PPM1L: variants seen among roughly 807,000 people sequenced by gnomAD.
PPM1L encodes protein phosphatase 1L.
In PPM1L, 13 loss-of-function variants were observed where a neutral mutation model predicts 31.4. That is an observed-to-expected ratio of 0.41 (90% CI 0.27 to 0.66). The LOEUF (loss-of-function observed/expected upper bound fraction) is 0.66. PPM1L is among the 30% of genes least tolerant of loss of function. The pLI, the probability that PPM1L is intolerant of heterozygous loss-of-function variation, is 0.29. For synonymous variants in PPM1L, 184 were observed against 175.4 expected, an observed-to-expected ratio of 1.05 and a Z score of -0.39; for missense variants, 326 against 453.7, an observed-to-expected ratio of 0.72 and a Z score of 2.56.
intron 2 of PPM1L, among the ~76,000 whole-genome samples, chr3:161,007,219 T>G (rs958457757): frequency 4.6e-5 from 7 of 152,164 alleles, no homozygotes; most frequent in African/African-American, 1.4e-4. Flanking sequence ...TGTCAAGGGC[T>G]CCAGAATAAA....
chr3:160,836,666 T>C (rs1211362175), intron 1 of PPM1L, among the ~76,000 whole-genome samples: 1 of 152,226 alleles, frequency 6.6e-6, no homozygotes, highest in Non-Finnish European at 1.5e-5. Flanking sequence ...ATATTGGTAG[T>C]AGATTATCTG....
chr3:160,994,842 G>A (rs989425317), intron 2 of PPM1L, among the ~76,000 whole-genome samples: 1 of 152,148 alleles, frequency 6.6e-6, no homozygotes, highest in Non-Finnish European at 1.5e-5. Context: ...ACAGTATAGG[G>A]AATAGGAGAG....
intron 1 of PPM1L, among the ~76,000 whole-genome samples, chr3:160,949,192 C>G (rs755632816): frequency 6.6e-6 from 1 of 152,156 alleles, no homozygotes; most frequent in African/African-American, 2.4e-5. Context: ...AAGCCCTGTC[C>G]TAGTGCCCTT....
At chr3:160,915,416 A>C (rs1482331148) in intron 1 of PPM1L, among the ~76,000 whole-genome samples, 1 of 152,184 alleles carries the variant, frequency 6.6e-6, no homozygotes, top group African/African-American at 2.4e-5. Flanking sequence ...AGAGGGATAC[A>C]AACAAATGGA....
At chr3:160,995,540 C>T (rs931750057) in intron 2 of PPM1L, among the ~76,000 whole-genome samples, 1 of 152,136 alleles carries the variant, frequency 6.6e-6, no homozygotes, top group Non-Finnish European at 1.5e-5. Context: ...AAGCTGGTCT[C>T]GAACTCCTGT....
At chr3:161,009,805 G>T (rs1253019526) in intron 2 of PPM1L, among the ~76,000 whole-genome samples, 1 of 152,058 alleles carries the variant, frequency 6.6e-6, no homozygotes, top group Non-Finnish European at 1.5e-5. Context: ...TCCTACAGTT[G>T]AAATCTTCTG....
chr3:161,069,437 G>A lies in PPM1L; in HGVS notation c.*280G>A. On this transcript the variant is annotated 3_prime_UTR_variant, in exon 4 of 4. Coordinates refer to ENST00000498165, the MANE Select transcript of PPM1L (RefSeq NM_139245.4). ...AGCTGTAGAGTCACATATATGAAGT[G>A]AATAGCATATGTGTCATTTAGTCTC... is the stretch of plus-strand genomic sequence containing the variant. The A allele has an allele frequency of 2.4e-6, 1 of 424,470 alleles. No homozygotes were observed. Among genetic ancestry groups the A allele is most frequent in the Admixed American group, 4.2e-5 (1 of 23,796 alleles). 26.3% of individuals were successfully genotyped at this position (424,470 alleles called of 1,614,324 possible).
In PPM1L at chr3:160,806,327, C is replaced by A. The variant is rs147277577; in HGVS notation, c.399+49620C>A. Reference sequence around the variant, plus strand: ...GATCATAGTGCTTGGGAAGCCATCCCTGACTTTCTCTGCCAGGTTGTGTAA... The same window carrying A: ...GATCATAGTGCTTGGGAAGCCATCCATGACTTTCTCTGCCAGGTTGTGTAA... On this transcript the variant is annotated intron_variant, in intron 1 of 3. Transcript: ENST00000498165. Among the ~76,000 whole-genome samples, 47 of 152,266 alleles carry A rather than the reference C, an allele frequency of 3.1e-4. No individual in the cohort carries two copies. The East Asian group carries it at 7.3e-3, about 24-fold the overall frequency.
At chr3:160,922,178 C>T (rs1217603545) in intron 1 of PPM1L, among the ~76,000 whole-genome samples, 2 of 152,072 alleles carry the variant, frequency 1.3e-5, no homozygotes, top group African/African-American at 2.4e-5. Context: ...GGCGTGGTGG[C>T]AGGCACCTGT....
chr3:160,974,488 A>T (rs1185328627), intron 2 of PPM1L, among the ~76,000 whole-genome samples: 1 of 150,858 alleles, frequency 6.6e-6, no homozygotes, highest in Admixed American at 6.6e-5. Context: ...AGTCCCACCA[A>T]CAGTGTAAAA....
intron 2 of PPM1L, among the ~76,000 whole-genome samples, chr3:161,005,972 A>G (rs1717690715): frequency 6.6e-6 from 1 of 150,756 alleles, no homozygotes; most frequent in African/African-American, 2.5e-5. Flanking sequence ...AAGATGCATT[A>G]AAAAAACATA....
chr3:160,797,970 G>C (rs190344221), intron 1 of PPM1L, among the ~76,000 whole-genome samples: 3 of 152,286 alleles, frequency 2.0e-5, no homozygotes, highest in African/African-American at 7.2e-5. Context: ...ATGAGGTCAA[G>C]AGATGAAGAC....
At chr3:160,944,032 T>A (rs1715244808) in intron 1 of PPM1L, among the ~76,000 whole-genome samples, 1 of 152,148 alleles carries the variant, frequency 6.6e-6, no homozygotes, top group Non-Finnish European at 1.5e-5. Context: ...GTTGCAACCA[T>A]AAATCTTCAC....
chr3:161,041,705 A>G (rs1262036675), intron 2 of PPM1L, among the ~76,000 whole-genome samples: 1 of 152,120 alleles, frequency 6.6e-6, no homozygotes, highest in Non-Finnish European at 1.5e-5. Flanking sequence ...CTGAGATCAC[A>G]CCACTGCACT....
chr3:160,856,913 C>A (rs79942821), intron 1 of PPM1L, among the ~76,000 whole-genome samples: 1,530 of 151,774 alleles, frequency 0.01, 20 homozygotes, highest in African/African-American at 0.035. Context: ...TGGATTTATT[C>A]AGTTTTTGTA....
chr3:160,901,632 T>G (rs1044328750), intron 1 of PPM1L, among the ~76,000 whole-genome samples: 21 of 152,210 alleles, frequency 1.4e-4, no homozygotes, highest in African/African-American at 4.8e-4. Context: ...TTCAGGACCC[T>G]GCGCATAGGT....
In PPM1L at chr3:161,075,063, C is replaced by G. The variant is rs1432771828; in HGVS notation, c.*5906C>G. 6.6e-6 allele frequency: 1 copy of G among 152,100 alleles called. No homozygotes were observed. The highest frequency in any genetic ancestry group is 1.9e-4 in the East Asian group (1 of 5,178). The allele number at this position is 152,100 out of a possible 1,614,324, so 9.4% of individuals were successfully genotyped here. On this transcript the variant is annotated 3_prime_UTR_variant, in exon 4 of 4. Coordinates refer to ENST00000498165, the MANE Select transcript of PPM1L (RefSeq NM_139245.4). Reference sequence around the variant, plus strand: ...GTGGCAGATTGTGGTGGAGAGAGGGCTGAGTGACCCAGAGCAAAGCCTGCC... The same window carrying G: ...GTGGCAGATTGTGGTGGAGAGAGGGGTGAGTGACCCAGAGCAAAGCCTGCC...
chr3:160,964,033 GATA>G (rs1239501337), intron 2 of PPM1L, among the ~76,000 whole-genome samples: 1 of 151,944 alleles, frequency 6.6e-6, no homozygotes, highest in Non-Finnish European at 1.5e-5. Flanking sequence ...AATCTCACAT[GATA>G]ATAATAAAAT....
At chr3:160,942,985 T>C (rs1186746847) in intron 1 of PPM1L, among the ~76,000 whole-genome samples, 1 of 152,030 alleles carries the variant, frequency 6.6e-6, no homozygotes, top group East Asian at 1.9e-4. Flanking sequence ...TGGAACATTG[T>C]AATGAAGCAG....
Sources: gnomAD v4.1 joint callset for allele counts (sites outside exome capture counted in the v4.1 genomes callset) on GRCh38, gnomAD v4.1.1 for gene constraint, MANE v1.5 for transcripts, NCBI Gene and HGNC (gene_info 2026-07-23, HGNC 2026-07-21) for gene names.